Variants in FHIT observed in about 807,000 individuals in gnomAD.
FHIT encodes fragile histidine triad diadenosine triphosphatase.
Under a neutral mutation model 17.9 loss-of-function variants are expected in FHIT, and 19 were observed. The ratio of observed to expected loss-of-function variants is 1.06; its 90% CI spans 0.74 to 1.56. The LOEUF (loss-of-function observed/expected upper bound fraction) is 1.56. Among genes scored for constraint, FHIT ranks in the 40% most tolerant of loss-of-function variants. The probability of loss-of-function intolerance (pLI) is 0.00; values close to 1 mark genes in which losing one functional copy is unlikely to be tolerated. For synonymous variants in FHIT, 81 were observed against 69.7 expected (o/e 1.16, Z -0.81); for missense variants, 248 against 189.2 (o/e 1.31, Z -1.82).
chr3:60,505,099 T>C (rs548931894), intron 5 of FHIT, among the ~76,000 whole-genome samples: 36 of 152,304 alleles, frequency 2.4e-4, no homozygotes, highest in Middle Eastern at 6.8e-3. Flanking sequence ...ATTTAGATCA[T>C]GAGCTGTAAA....
intron 2 of FHIT, among the ~76,000 whole-genome samples, chr3:61,051,848 C>T (rs1034160833): frequency 6.6e-6 from 1 of 152,158 alleles, no homozygotes; most frequent in African/African-American, 2.4e-5. Context: ...TGAGGCAGGG[C>T]AAAAGTTACA....
intron 4 of FHIT, among the ~76,000 whole-genome samples, chr3:60,570,737 T>TAAAAAAAAA (rs10637926): frequency 1.5e-5 from 2 of 132,524 alleles, no homozygotes; most frequent in African/African-American, 2.8e-5. Context: ...ATTAAAAAAT[T>TAAAAAAAAA]AAAAAAAAAA....
intron 5 of FHIT, among the ~76,000 whole-genome samples, chr3:60,176,585 A>C (rs1701683288): frequency 6.6e-6 from 1 of 152,152 alleles, no homozygotes; most frequent in Non-Finnish European, 1.5e-5. Flanking sequence ...AAACGGACAA[A>C]CACCTAGGTA....
At chr3:60,175,633 C>G (rs1701636019) in intron 5 of FHIT, among the ~76,000 whole-genome samples, 1 of 152,076 alleles carries the variant, frequency 6.6e-6, no homozygotes, top group Admixed American at 6.5e-5. Flanking sequence ...AAGATAAAAG[C>G]TGTGCACATT....
chr3:59,773,284 C>G (rs2106842172), intron 8 of FHIT, among the ~76,000 whole-genome samples: 1 of 152,282 alleles, frequency 6.6e-6, no homozygotes, highest in African/African-American at 2.4e-5. Flanking sequence ...AAGCAGGCAC[C>G]TGCAAAAGGC....
chr3:60,310,519 C>A (rs930052889), intron 5 of FHIT, among the ~76,000 whole-genome samples: 1 of 151,926 alleles, frequency 6.6e-6, no homozygotes. Context: ...AAAAGAGGAA[C>A]AGACCAAAAA....
intron 4 of FHIT, among the ~76,000 whole-genome samples, chr3:60,561,926 AAGAAAAAG>A (rs1375118825): frequency 6.6e-6 from 1 of 150,534 alleles, no homozygotes; most frequent in Non-Finnish European, 1.5e-5. Context: ...GAAAGAGAGA[AAGAAAAAG>A]AGAAAGAGAG....
intron 5 of FHIT, among the ~76,000 whole-genome samples, chr3:60,457,314 A>T (rs1214987043): frequency 2.6e-5 from 4 of 152,202 alleles, no homozygotes; most frequent in Non-Finnish European, 2.9e-5. Context: ...AAACCTGACA[A>T]AAACAAGAAA....
Position 60,181,145 on chromosome 3 carries a change from ATT to A in FHIT, c.104-166995_104-166994del, listed in dbSNP as rs199935934. Among the ~76,000 whole-genome samples, 202 of 125,554 alleles carry A rather than the reference ATT, an allele frequency of 1.6e-3. 2 individuals carry two copies. The highest frequency in any genetic ancestry group is 8.7e-4 in the Admixed American group (10 of 11,560). The allele number at this position is 125,554 out of a possible 152,430, so 82.4% of individuals were successfully genotyped here. On this transcript the variant is annotated intron_variant, in intron 5 of 9. Coordinates refer to ENST00000492590, the MANE Select transcript of FHIT (RefSeq NM_002012.4). ...ATTACACAGATTACAAATTTTTTTAATTTTTTTTTTTTTTTTTTTGAGACTGA... is the reference window on the plus strand; with the variant it reads ...ATTACACAGATTACAAATTTTTTTAATTTTTTTTTTTTTTTTTGAGACTGA...
In FHIT at chr3:60,953,762, T is replaced by C. The variant is rs545228188; in HGVS notation, c.-111+88285A>G. Among the ~76,000 whole-genome samples, 15 of 152,208 alleles carry C rather than the reference T, an allele frequency of 9.9e-5. No individual in the cohort carries two copies. The South Asian group carries it at 2.1e-3, about 21-fold the overall frequency. ...ACAAACCAAACTTAAAGTGTCCAAGTAGCCCCATCCAGAAGAGCAATGATG... is the reference window on the plus strand; with the variant it reads ...ACAAACCAAACTTAAAGTGTCCAAGCAGCCCCATCCAGAAGAGCAATGATG... On this transcript the variant is annotated intron_variant, in intron 3 of 9. Coordinates refer to ENST00000492590, the MANE Select transcript of FHIT (RefSeq NM_002012.4).
chr3:60,432,520 A>G (rs1702954112), intron 5 of FHIT, among the ~76,000 whole-genome samples: 1 of 152,098 alleles, frequency 6.6e-6, no homozygotes, highest in Non-Finnish European at 1.5e-5. Context: ...TAGCATTTTT[A>G]TCTTAACACA....
intron 8 of FHIT, among the ~76,000 whole-genome samples, chr3:59,758,680 T>G (rs867749633): frequency 1.1e-4 from 17 of 152,338 alleles, no homozygotes; most frequent in Middle Eastern, 6.8e-3. Context: ...CATATTTATT[T>G]TTAGGGACAT....
rs6777815 is a variant in FHIT at position 60,368,715 on chromosome 3, T to C, written c.103+168145A>G. Among the ~76,000 whole-genome samples, 1,122 of 152,220 alleles carry C rather than the reference T, an allele frequency of 7.4e-3. 15 individuals are homozygous for C. The highest frequency in any genetic ancestry group is 0.026 in the African/African-American group (1,078 of 41,548). On this transcript the variant is annotated intron_variant, in intron 5 of 9. Transcript: ENST00000492590. ...AACTTATTTTTTCTTTTATAGCTAG[T>C]GCTTTTTGTGTGCTCTTTAAGAAAT...
intron 5 of FHIT, among the ~76,000 whole-genome samples, chr3:60,474,006 A>C (rs1458736165): frequency 6.6e-6 from 1 of 152,178 alleles, no homozygotes; most frequent in African/African-American, 2.4e-5. Flanking sequence ...TTATTTTGGA[A>C]ACATTTAAAG....
intron 4 of FHIT, among the ~76,000 whole-genome samples, chr3:60,589,030 G>T (rs1275621497): frequency 6.6e-6 from 1 of 152,012 alleles, no homozygotes; most frequent in Non-Finnish European, 1.5e-5. Context: ...CCTCGTTGGA[G>T]CCTATGGGTT....
chr3:60,173,913 A>ATTTTTTTTTTTTT (rs1359545917), intron 5 of FHIT, among the ~76,000 whole-genome samples: 1 of 68,518 alleles, frequency 1.5e-5, no homozygotes, highest in Non-Finnish European at 2.7e-5. Flanking sequence ...ATATATATAT[A>ATTTTTTTTTTTTT]TATGTTTTTT....
intron 5 of FHIT, among the ~76,000 whole-genome samples, chr3:60,308,316 T>C (rs1708775862): frequency 6.8e-6 from 1 of 147,572 alleles, no homozygotes; most frequent in Non-Finnish European, 1.5e-5. Context: ...GCTTACTGCA[T>C]TCCTTCAGTG....
At chr3:60,538,437 C>G (rs534346428) in intron 4 of FHIT, among the ~76,000 whole-genome samples, 35 of 152,260 alleles carry the variant, frequency 2.3e-4, no homozygotes, top group South Asian at 1.7e-3. Context: ...TGGAAAAAAA[C>G]TACTCTAAAG....
At position 60,536,930 on chromosome 3, in the gene FHIT, C is replaced by A; in HGVS notation, c.33G>T (p.Lys11Asn). The A allele has an allele frequency of 6.2e-7, 1 of 1,612,624 alleles. No individual in the cohort carries two copies. Among genetic ancestry groups the A allele is most frequent in the Non-Finnish European group, 8.5e-7 (1 of 1,179,234 alleles). ...CTGTTTTGAGAAACACTACAGAGGG[C>A]TTGATGAGATGTTGGCCAAATCTGA... MSFRFGQHLIKPSVVFLKTEL... is the reference protein window; with the variant it reads MSFRFGQHLINPSVVFLKTEL... The change falls in exon 5 of 10, where the codon AAG becomes AAT. Residue 11 changes from lysine to asparagine, a missense_variant. Transcript: ENST00000492590.
Sources: gnomAD v4.1 joint callset for allele counts (sites outside exome capture counted in the v4.1 genomes callset) on GRCh38, gnomAD v4.1.1 for gene constraint, MANE v1.5 for transcripts, NCBI Gene and HGNC (gene_info 2026-07-23, HGNC 2026-07-21) for gene names.